TCF7L2: variants seen among roughly 807,000 people sequenced by gnomAD.
TCF7L2 encodes the protein transcription factor 7 like 2, also known as transcription factor 7-like 2.
TCF7L2 carries 23 observed loss-of-function variants against 77.9 expected under a neutral mutation model. The ratio of observed to expected loss-of-function variants is 0.30; its 90% CI spans 0.21 to 0.42. The LOEUF (loss-of-function observed/expected upper bound fraction) is 0.42, where lower values mean the gene tolerates loss of function less well. TCF7L2 is among the 10% of genes least tolerant of loss of function. The pLI is 1.00. For synonymous variants in TCF7L2, 413 were observed against 340.2 expected (o/e 1.21, Z -2.36); for missense variants, 654 against 793.1 (o/e 0.82, Z 2.11).
At chr10:113,069,699 T>C (rs2057708418) in intron 5 of TCF7L2, among the ~76,000 whole-genome samples, 10 of 152,190 alleles carry the variant, frequency 6.6e-5, no homozygotes, top group Admixed American at 6.5e-4. Flanking sequence ...AGACTGTGTA[T>C]GTAGTCAGTG....
At position 112,964,711 on chromosome 10, in the gene TCF7L2, GATA is replaced by G. The variant is rs113862986; in HGVS notation, c.450+90_450+92del. On this transcript the variant is annotated intron_variant, in intron 4 of 13. Transcript: ENST00000627217. ...ATTCTCCGCCCCTTCCCCCAACTGA[GATA>G]ATGATGATGATGATGATGATGATGA... 7,947 of 967,182 alleles carry G rather than the reference GATA, an allele frequency of 8.2e-3. 345 individuals are homozygous for G. The highest frequency in any genetic ancestry group is 0.076 in the African/African-American group (3,740 of 49,226). 59.9% of individuals were successfully genotyped at this position (967,182 alleles called of 1,614,324 possible).
intron 5 of TCF7L2, among the ~76,000 whole-genome samples, chr10:113,069,853 A>G (rs2057727659): frequency 6.6e-6 from 1 of 152,154 alleles, no homozygotes; most frequent in African/African-American, 2.4e-5. Context: ...ATATTCAAGA[A>G]TACTAGTGGC....
intron 5 of TCF7L2, among the ~76,000 whole-genome samples, chr10:113,064,837 C>T (rs1438374661): frequency 6.6e-6 from 1 of 152,188 alleles, no homozygotes; most frequent in East Asian, 1.9e-4. Context: ...ATTTCTTCCC[C>T]TCTCTAGGCC....
chr10:112,997,961 G>T (rs1404289817), intron 4 of TCF7L2, among the ~76,000 whole-genome samples: 1 of 152,142 alleles, frequency 6.6e-6, no homozygotes, highest in Non-Finnish European at 1.5e-5. Context: ...GTGTGCAAAA[G>T]ATGATTAATT....
At chr10:113,097,920 T>C (rs961667856) in intron 5 of TCF7L2, among the ~76,000 whole-genome samples, 1 of 149,914 alleles carries the variant, frequency 6.7e-6, no homozygotes, top group African/African-American at 2.5e-5. Flanking sequence ...GGCGTGGTAG[T>C]GCGCTTGTAA....
At chr10:113,113,959 G>A (rs556513917) in intron 5 of TCF7L2, among the ~76,000 whole-genome samples, 7 of 152,130 alleles carry the variant, frequency 4.6e-5, no homozygotes, top group Admixed American at 2.0e-4. Context: ...ATCATGATGG[G>A]TTTCGTTGGA....
Position 112,950,643 on chromosome 10 carries a change from G to C in TCF7L2, c.-114G>C. The C allele has an allele frequency of 7.8e-7, 1 of 1,283,446 alleles. No individual in the cohort carries two copies. Among genetic ancestry groups the C allele is most frequent in the Non-Finnish European group, 1.1e-6 (1 of 951,150 alleles). 79.5% of individuals were successfully genotyped at this position (1,283,446 alleles called of 1,614,324 possible). On this transcript the variant is annotated 5_prime_UTR_variant, in exon 1 of 14. Coordinates refer to ENST00000627217, the MANE Select transcript of TCF7L2 (RefSeq NM_001146274.2). The stretch of plus-strand genomic sequence containing the variant: ...GCAGAAAAAAGTTCACCTTGGACTC[G>C]TCTTTTTCTTGCAATATTTTTTGGG...
At chr10:113,118,520 GGTGT>G (rs34806588) in intron 5 of TCF7L2, among the ~76,000 whole-genome samples, 9,670 of 141,466 alleles carry the variant, frequency 0.068, 439 homozygotes, top group Non-Finnish European at 0.097. Context: ...TCATCTGGGG[GGTGT>G]GTGTGTGTGT....
At chr10:112,967,152 G>T (rs142968970) in intron 4 of TCF7L2, among the ~76,000 whole-genome samples, 1 of 152,222 alleles carries the variant, frequency 6.6e-6, no homozygotes. Context: ...TTTCGCTCTG[G>T]ATGTGGCATA....
chr10:112,950,464 A>AC lies in TCF7L2; in HGVS notation c.-287dup. On this transcript the variant is annotated 5_prime_UTR_variant, in exon 1 of 14. Coordinates refer to ENST00000627217, the MANE Select transcript of TCF7L2 (RefSeq NM_001146274.2). ...TGTTGTTGGTGTTTTTTTTTTTTTT[A>AC]CCCCCCTTTTTTATTTATTATTTTT... 1.1e-5 allele frequency: 1 copy of AC among 89,444 alleles called. No individual in the cohort carries two copies. Among genetic ancestry groups the AC allele is most frequent in the East Asian group, 1.6e-4 (1 of 6,284 alleles). 5.5% of individuals were successfully genotyped at this position (89,444 alleles called of 1,614,324 possible). A position where few individuals can be genotyped will look rare whatever the true frequency, so the allele number is the denominator to read the frequency against.
chr10:113,029,968 T>C (rs2049938615), intron 4 of TCF7L2, among the ~76,000 whole-genome samples: 1 of 152,148 alleles, frequency 6.6e-6, no homozygotes, highest in Non-Finnish European at 1.5e-5. Flanking sequence ...TACAGTTCAG[T>C]GGTTTTTTAG....
intron 4 of TCF7L2, among the ~76,000 whole-genome samples, chr10:113,035,053 G>A (rs116881359): frequency 4.2e-4 from 61 of 146,210 alleles, no homozygotes; most frequent in East Asian, 2.4e-3. Context: ...ACAGGGTCTC[G>A]CTCTGAACCT....
intron 10 of TCF7L2, 68 bp from the exon 11 acceptor site, chr10:113,152,265 G>A: frequency 7.4e-7 from 1 of 1,352,446 alleles, no homozygotes; most frequent in Non-Finnish European, 1.1e-6. Context: ...TTGGCGTAAT[G>A]TGTGATGTTC....
chr10:113,071,916 G>A (rs1434935910), intron 5 of TCF7L2, among the ~76,000 whole-genome samples: 1 of 152,244 alleles, frequency 6.6e-6, no homozygotes, highest in Non-Finnish European at 1.5e-5. Flanking sequence ...GGAGTAAGTG[G>A]AATTGTGGGT....
At chr10:113,020,487 T>A (rs982226978) in intron 4 of TCF7L2, among the ~76,000 whole-genome samples, 4 of 152,116 alleles carry the variant, frequency 2.6e-5, no homozygotes, top group Non-Finnish European at 5.9e-5. Context: ...CCCTCTCCCT[T>A]TCATCCAGGG....
intron 8 of TCF7L2, among the ~76,000 whole-genome samples, chr10:113,147,609 G>A (rs1457971752): frequency 6.6e-6 from 1 of 152,148 alleles, no homozygotes. Flanking sequence ...AATGAGTAGG[G>A]GGTCTCCCAG....
chr10:113,023,990 G>T (rs2048685043), intron 4 of TCF7L2, among the ~76,000 whole-genome samples: 1 of 151,850 alleles, frequency 6.6e-6, no homozygotes, highest in Non-Finnish European at 1.5e-5. Context: ...CTATCAGTGG[G>T]TCTGTTAATC....
rs139127477 is a variant in TCF7L2, at chr10:113,040,068, G to A, written c.494G>A (p.Ser165Asn). The A allele has an allele frequency of 3.7e-6, 6 of 1,613,994 alleles. No homozygotes were observed. The highest frequency in any genetic ancestry group is 1.3e-5 in the African/African-American group (1 of 75,020). ...CCACTGCTTGATGTCCAGGCAGGGA[G>A]CCTCCAGAGTAGACAAGCCCTCAAG... is the stretch of plus-strand genomic sequence containing the variant. The change falls in exon 5 of 14, where the codon AGC becomes AAC. Residue 165 changes from serine (S) to asparagine (N), a missense_variant. Transcript: ENST00000627217.
chr10:112,998,368 A>G (rs2043878433), intron 4 of TCF7L2, among the ~76,000 whole-genome samples: 1 of 152,232 alleles, frequency 6.6e-6, no homozygotes, highest in Non-Finnish European at 1.5e-5. Flanking sequence ...GAAGACATAC[A>G]CAAAAGTTTT....
Sources: gnomAD v4.1 joint callset for allele counts (sites outside exome capture counted in the v4.1 genomes callset) on GRCh38, gnomAD v4.1.1 for gene constraint, MANE v1.5 for transcripts, NCBI Gene and HGNC (gene_info 2026-07-23, HGNC 2026-07-21) for gene names.